The following HIVEP3 variants were observed in gnomAD, a reference collection of about 807,000 sequenced individuals.
HIVEP3 encodes the protein HIVEP zinc finger 3, also known as transcription factor HIVEP3.
HIVEP3 carries 49 observed loss-of-function variants against 152.8 expected under a neutral mutation model. That is an observed-to-expected ratio of 0.32 (90% CI 0.26 to 0.41). The LOEUF (loss-of-function observed/expected upper bound fraction) is 0.41, where lower values mean the gene tolerates loss of function less well. Ranked by LOEUF, HIVEP3 falls within the 10% of genes least tolerant of loss-of-function variation. The pLI is 1.00. For missense variants in HIVEP3, 2,790 were observed against 3,103.3 expected, an observed-to-expected ratio of 0.90 and a Z score of 2.40; for synonymous variants, 1,269 against 1,289.0, an observed-to-expected ratio of 0.98 and a Z score of 0.33.
At chr1:41,905,156 G>C (rs912942261) in intron 1 of HIVEP3, among the ~76,000 whole-genome samples, 8 of 152,204 alleles carry the variant, frequency 5.3e-5, no homozygotes, top group Admixed American at 2.0e-4. Context: ...CCACAACTGA[G>C]AGAAGGAACA....
At chr1:41,521,549 T>C (rs2149050774) in intron 6 of HIVEP3, among the ~76,000 whole-genome samples, 1 of 152,128 alleles carries the variant, frequency 6.6e-6, no homozygotes, top group African/African-American at 2.4e-5. Context: ...AAGGGGAAGG[T>C]GGGGCACACG....
intron 5 of HIVEP3, among the ~76,000 whole-genome samples, chr1:41,545,065 C>T (rs1389502630): frequency 1.5e-5 from 2 of 130,980 alleles, no homozygotes; most frequent in African/African-American, 5.8e-5. Flanking sequence ...ATCACTACCA[C>T]CACCACCAAC....
At chr1:41,799,636 T>C (rs1650186947) in intron 1 of HIVEP3, among the ~76,000 whole-genome samples, 1 of 152,198 alleles carries the variant, frequency 6.6e-6, no homozygotes, top group Admixed American at 6.5e-5. Flanking sequence ...CCCATTAGAT[T>C]CCCATCTCCC....
intron 5 of HIVEP3, among the ~76,000 whole-genome samples, chr1:41,569,222 G>A (rs916604793): frequency 6.6e-6 from 1 of 152,158 alleles, no homozygotes; most frequent in Non-Finnish European, 1.5e-5. Context: ...AGCAATGCAA[G>A]AACTGACTAC....
chr1:41,642,147 C>T (rs1645383180), intron 2 of HIVEP3, among the ~76,000 whole-genome samples: 2 of 152,250 alleles, frequency 1.3e-5, no homozygotes, highest in South Asian at 2.1e-4. Flanking sequence ...CCAACAGCAA[C>T]AGCGTCTGCA....
At chr1:42,009,532 C>T (rs1043586620) in intron 1 of HIVEP3, among the ~76,000 whole-genome samples, 3 of 152,186 alleles carry the variant, frequency 2.0e-5, no homozygotes, top group African/African-American at 7.2e-5. Context: ...TTTTGGATGT[C>T]CCTTAGCAAA....
At chr1:41,713,049 C>A (rs2124152577) in intron 1 of HIVEP3, among the ~76,000 whole-genome samples, 1 of 152,298 alleles carries the variant, frequency 6.6e-6, no homozygotes, top group Admixed American at 6.5e-5. Flanking sequence ...TTCAGCAGAG[C>A]ATTTGTCAAA....
intron 4 of HIVEP3, 34 bp from the exon 5 acceptor site, chr1:41,575,723 G>T (rs921603252): frequency 3.7e-5 from 60 of 1,608,922 alleles, no homozygotes; most frequent in Non-Finnish European, 4.9e-5. Flanking sequence ...AATCATTGCT[G>T]GTTAAAAGTG....
At chr1:41,739,135 A>G (rs1646960900) in intron 1 of HIVEP3, among the ~76,000 whole-genome samples, 1 of 152,252 alleles carries the variant, frequency 6.6e-6, no homozygotes, top group Non-Finnish European at 1.5e-5. Context: ...AAAGTGTGGC[A>G]AAGCCCAAGG....
At chr1:41,643,368 C>A (rs1249579064) in intron 2 of HIVEP3, among the ~76,000 whole-genome samples, 1 of 152,250 alleles carries the variant, frequency 6.6e-6, no homozygotes, top group Non-Finnish European at 1.5e-5. Flanking sequence ...GTCTTCCTCG[C>A]AGACAGGGAG....
At chr1:41,659,687 G>A (rs997322787) in intron 2 of HIVEP3, among the ~76,000 whole-genome samples, 4 of 152,236 alleles carry the variant, frequency 2.6e-5, no homozygotes, top group African/African-American at 7.2e-5. Flanking sequence ...CACAGGAGAC[G>A]CCAGAGCTGT....
At chr1:41,729,813 G>A (rs745672214) in intron 1 of HIVEP3, among the ~76,000 whole-genome samples, 3 of 152,172 alleles carry the variant, frequency 2.0e-5, no homozygotes, top group Non-Finnish European at 4.4e-5. Flanking sequence ...TGAAAGGTGC[G>A]AGGTGCTGGA....
At chr1:41,878,951 A>C in intron 1 of HIVEP3, among the ~76,000 whole-genome samples, 1 of 134,570 alleles carries the variant, frequency 7.4e-6, no homozygotes, top group Non-Finnish European at 1.5e-5. Context: ...CGCATACTCC[A>C]CTTGTCTCTT....
intron 1 of HIVEP3, among the ~76,000 whole-genome samples, chr1:41,792,562 C>A (rs1174823308): frequency 6.6e-6 from 1 of 152,134 alleles, no homozygotes; most frequent in Non-Finnish European, 1.5e-5. Flanking sequence ...CTCTTAGCTG[C>A]CACCATCCTG....
intron 1 of HIVEP3, among the ~76,000 whole-genome samples, chr1:41,819,810 C>T (rs1642535342): frequency 6.6e-6 from 1 of 152,220 alleles, no homozygotes; most frequent in African/African-American, 2.4e-5. Flanking sequence ...CAAATGTTCA[C>T]ATGTACCTGA....
At chr1:41,934,498 T>C (rs1317350467) in intron 1 of HIVEP3, among the ~76,000 whole-genome samples, 2 of 152,148 alleles carry the variant, frequency 1.3e-5, no homozygotes, top group East Asian at 3.9e-4. Context: ...ACCATAAGTT[T>C]AGGAACAATC....
intron 1 of HIVEP3, among the ~76,000 whole-genome samples, chr1:41,897,097 G>A (rs1644542000): frequency 6.6e-6 from 1 of 152,176 alleles, no homozygotes; most frequent in Non-Finnish European, 1.5e-5. Flanking sequence ...GTGGTGTTTT[G>A]CAGTCAGGGA....
chr1:42,025,991 AC>A (rs1645579676), intron 1 of HIVEP3, among the ~76,000 whole-genome samples: 1 of 151,578 alleles, frequency 6.6e-6, no homozygotes, highest in African/African-American at 2.4e-5. Context: ...GATCACTTGA[AC>A]CCAGGAGGTT....
intron 1 of HIVEP3, among the ~76,000 whole-genome samples, chr1:41,879,670 C>A (rs946082581): frequency 6.6e-6 from 1 of 152,202 alleles, no homozygotes; most frequent in South Asian, 2.1e-4. Flanking sequence ...TCCACCTCTG[C>A]CTGCTCTGTC....
Sources: allele counts gnomAD v4.1 joint callset (sites outside exome capture counted in the v4.1 genomes callset), GRCh38; gene constraint gnomAD v4.1.1; transcripts MANE v1.5; gene names NCBI Gene and HGNC (gene_info 2026-07-23, HGNC 2026-07-21).